Variants in PRKCZ observed in about 807,000 individuals in gnomAD.
PRKCZ encodes protein kinase C zeta, also known as protein kinase C zeta type.
Under a neutral mutation model 79.5 loss-of-function variants are expected in PRKCZ, and 33 were observed. The ratio of observed to expected loss-of-function variants is 0.41; its 90% CI spans 0.31 to 0.55. The LOEUF (loss-of-function observed/expected upper bound fraction) is 0.55. Among genes scored for constraint, PRKCZ ranks in the 20% least tolerant of loss-of-function variants. The pLI is 0.19. For missense variants in PRKCZ, 578 were observed against 813.5 expected (o/e 0.71, Z 3.52); for synonymous variants, 342 against 320.9 (o/e 1.07, Z -0.70).
intron 10 of PRKCZ, among the ~76,000 whole-genome samples, chr1:2,166,722 G>A (rs540001434): frequency 6.6e-6 from 1 of 152,312 alleles, no homozygotes; most frequent in South Asian, 2.1e-4. Context: ...AGGACATGGA[G>A]GGGCACCTTC....
chr1:2,078,563 G>A (rs1457916264), intron 4 of PRKCZ, among the ~76,000 whole-genome samples: 3 of 152,116 alleles, frequency 2.0e-5, no homozygotes, highest in Non-Finnish European at 4.4e-5. Context: ...CTGGGAACTC[G>A]TGCTGTGGAA....
chr1:2,167,839 A>T (rs1447241830), intron 10 of PRKCZ, among the ~76,000 whole-genome samples: 1 of 152,086 alleles, frequency 6.6e-6, no homozygotes, highest in Non-Finnish European at 1.5e-5. Flanking sequence ...TCCTGACCTC[A>T]GGTGATCTGC....
intron 4 of PRKCZ, among the ~76,000 whole-genome samples, chr1:2,097,252 G>A (rs1666684288): frequency 2.0e-5 from 3 of 152,226 alleles, no homozygotes; most frequent in African/African-American, 7.2e-5. Flanking sequence ...GTCGTCCGGT[G>A]CAGGCCACAT....
intron 4 of PRKCZ, among the ~76,000 whole-genome samples, chr1:2,109,781 C>T (rs1310305848): frequency 6.6e-6 from 1 of 152,136 alleles, no homozygotes; most frequent in Non-Finnish European, 1.5e-5. Context: ...GGCCATGGGC[C>T]TGTGGGCCGT....
chr1:2,150,211 C>T (rs1305546479), intron 8 of PRKCZ, among the ~76,000 whole-genome samples: 4 of 151,528 alleles, frequency 2.6e-5, no homozygotes, highest in Non-Finnish European at 4.4e-5. Flanking sequence ...CACAGAACAG[C>T]ACCTCCCAAG....
chr1:2,138,467 G>T (rs1262509155), intron 5 of PRKCZ, among the ~76,000 whole-genome samples: 1 of 152,198 alleles, frequency 6.6e-6, no homozygotes, highest in Non-Finnish European at 1.5e-5. Flanking sequence ...GAACAGAACT[G>T]CTGGGTCAGA....
chr1:2,077,606 A>G (rs1003137220), intron 4 of PRKCZ, among the ~76,000 whole-genome samples: 3 of 152,186 alleles, frequency 2.0e-5, no homozygotes, highest in African/African-American at 4.8e-5. Flanking sequence ...TGAGTTTTCC[A>G]TATTTTCTAT....
At chr1:2,135,422 G>A (rs953646695) in intron 5 of PRKCZ, 75 bp downstream of exon 5, 4 of 1,353,492 alleles carry the variant, frequency 3.0e-6, no homozygotes, top group Admixed American at 2.3e-5. Context: ...AGGAGGGGAG[G>A]CACGTCCCGC....
intron 7 of PRKCZ, among the ~76,000 whole-genome samples, chr1:2,146,757 T>C (rs532188448): frequency 6.6e-6 from 1 of 152,184 alleles, no homozygotes; most frequent in Non-Finnish European, 1.5e-5. Context: ...AAAGCACTTA[T>C]GAGACCACAG....
In PRKCZ at chr1:2,174,231, C is replaced by A. The variant is rs1001646407; in HGVS notation, c.1405+215C>A. Among the ~76,000 whole-genome samples the A allele has an allele frequency of 6.6e-6, 1 of 152,186 alleles. No individual in the cohort carries two copies. Among genetic ancestry groups the A allele is most frequent in the East Asian group, 1.9e-4 (1 of 5,184 alleles). On this transcript the variant is annotated intron_variant, in intron 14 of 17. Transcript: ENST00000378567. The surrounding 1 kb of genome is among the most constrained non-coding windows in gnomAD (Gnocchi z 6.2). ...ACCTGTGGGTCAGCAGGAAAGAGAA[C>A]CTGTCCCCATTCAGCTCCAACTCCC... is the stretch of plus-strand genomic sequence containing the variant.
chr1:2,065,067 C>T (rs1045527946), intron 4 of PRKCZ, among the ~76,000 whole-genome samples: 1 of 152,168 alleles, frequency 6.6e-6, no homozygotes, highest in Non-Finnish European at 1.5e-5. Context: ...CTTTCACCCC[C>T]TTGGTTAATT....
At position 2,078,971 on chromosome 1, in the gene PRKCZ, T is replaced by C. The variant is rs571134049; in HGVS notation, c.334+19380T>C. Among the ~76,000 whole-genome samples the C allele has an allele frequency of 3.3e-5, 5 of 152,052 alleles. No homozygotes were observed. In the East Asian group the frequency reaches 9.7e-4, roughly 29 times the overall value. On this transcript the variant is annotated intron_variant, in intron 4 of 17. Transcript: ENST00000378567. ...CATTCTCCTGCCTCAGCCTCCTGAG[T>C]AGCTGGGACTACAGGCGCCCGCCAC...
At chr1:2,112,855 A>G (rs1195476325) in intron 4 of PRKCZ, among the ~76,000 whole-genome samples, 1 of 151,422 alleles carries the variant, frequency 6.6e-6, no homozygotes, top group Non-Finnish European at 1.5e-5. Context: ...ATGTCTGGCT[A>G]TTTTTTTTCT....
intron 9 of PRKCZ, among the ~76,000 whole-genome samples, chr1:2,154,894 G>A (rs1680621519): frequency 6.6e-6 from 1 of 152,236 alleles, no homozygotes; most frequent in South Asian, 2.1e-4. Flanking sequence ...TAGTGCTCTG[G>A]TGATGGGTGT....
chr1:2,106,900 C>T (rs1668654620), intron 4 of PRKCZ, among the ~76,000 whole-genome samples: 1 of 147,760 alleles, frequency 6.8e-6, no homozygotes, highest in African/African-American at 2.5e-5. Flanking sequence ...GGCCAGGTGA[C>T]TCTCAGCAAG....
intron 4 of PRKCZ, among the ~76,000 whole-genome samples, chr1:2,103,720 A>G (rs1177333750): frequency 3.3e-5 from 5 of 152,212 alleles, no homozygotes; most frequent in Non-Finnish European, 7.3e-5. Flanking sequence ...CAACAGAGAA[A>G]GAGAGAGAGG....
At chr1:2,076,477 T>C (rs1662445164) in intron 4 of PRKCZ, among the ~76,000 whole-genome samples, 1 of 152,212 alleles carries the variant, frequency 6.6e-6, no homozygotes, top group Non-Finnish European at 1.5e-5. Flanking sequence ...GCACAGTGGC[T>C]CACGCCTGTA....
chr1:2,115,723 T>C (rs1174195653), intron 4 of PRKCZ, among the ~76,000 whole-genome samples: 8 of 152,148 alleles, frequency 5.3e-5, no homozygotes, highest in Non-Finnish European at 1.2e-4. Flanking sequence ...GAAAACACTT[T>C]GCTTAGTGTA....
chr1:2,054,762 A>T lies in PRKCZ; in HGVS notation c.72-679A>T, dbSNP rs540741593. Among the ~76,000 whole-genome samples, 26 of 152,146 alleles carry T rather than the reference A, an allele frequency of 1.7e-4. No individual in the cohort carries two copies. The South Asian group carries it at 5.2e-3, about 30-fold the overall frequency. On this transcript the variant is annotated intron_variant, in intron 1 of 17. Transcript: ENST00000378567. Reference sequence around the variant, plus strand: ...TTAGTGAAGCCGGCGGCCTGCACCGACCCGGCTCGCGCCCATCCCGGGGTC... The same window carrying T: ...TTAGTGAAGCCGGCGGCCTGCACCGTCCCGGCTCGCGCCCATCCCGGGGTC...
Sources: allele counts gnomAD v4.1 joint callset (sites outside exome capture counted in the v4.1 genomes callset), GRCh38; gene constraint gnomAD v4.1.1; non-coding constraint Gnocchi (gnomAD v3.1); transcripts MANE v1.5; gene names NCBI Gene and HGNC (gene_info 2026-07-23, HGNC 2026-07-21).